The following RPTOR variants were observed in gnomAD, a reference collection of about 807,000 sequenced individuals.
The protein encoded by RPTOR is regulatory-associated protein of mTOR.
A neutral mutation model predicts 169.9 loss-of-function variants in RPTOR; 21 were observed. The ratio of observed to expected loss-of-function variants is 0.12; its 90% CI spans 0.09 to 0.18. RPTOR has a LOEUF of 0.18. Ranked by LOEUF, RPTOR falls within the 10% of genes least tolerant of loss-of-function variation. The pLI, the probability that RPTOR is intolerant of heterozygous loss-of-function variation, is 1.00. For synonymous variants in RPTOR, 732 were observed against 753.2 expected (o/e 0.97, Z 0.46); for missense variants, 1,133 against 1,855.9 (o/e 0.61, Z 7.16).
chr17:80,921,227 G>T (rs554614883), intron 21 of RPTOR, among the ~76,000 whole-genome samples: 2 of 152,368 alleles, frequency 1.3e-5, no homozygotes, highest in East Asian at 3.9e-4. Context: ...GAAGGACAGG[G>T]TTCTGTCTGG....
At chr17:80,954,435 C>G (rs916936317) in intron 28 of RPTOR, among the ~76,000 whole-genome samples, 2 of 151,124 alleles carry the variant, frequency 1.3e-5, no homozygotes, top group Non-Finnish European at 2.9e-5. Context: ...ATTGGCTAAT[C>G]TTTTATTATT....
rs2065640075 is a variant in RPTOR at position 80,651,592 on chromosome 17, A to T, written c.348+7782A>T. Reference sequence around the variant, plus strand: ...CGTCAAGTTCACCATTTTAAAGTGTACAACTTGGCTGGGCGCAGTGGCTCG... The same window carrying T: ...CGTCAAGTTCACCATTTTAAAGTGTTCAACTTGGCTGGGCGCAGTGGCTCG... On this transcript the variant is annotated intron_variant, in intron 3 of 33. Transcript: ENST00000306801. This position sits in a 1 kb window ranked among gnomAD's most constrained non-coding sequence, Gnocchi z 4.1. Among the ~76,000 whole-genome samples the T allele has an allele frequency of 6.6e-6, 1 of 152,232 alleles. No homozygotes were observed. The highest frequency in any genetic ancestry group is 2.4e-5 in the African/African-American group (1 of 41,462).
At chr17:80,760,989 ATTTT>A (rs1187354771) in intron 6 of RPTOR, among the ~76,000 whole-genome samples, 1 of 151,992 alleles carries the variant, frequency 6.6e-6, no homozygotes, top group African/African-American at 2.4e-5. Flanking sequence ...TTGTTCTCTA[ATTTT>A]TTTTCATTTT....
chr17:80,954,396 A>G (rs978495562), intron 28 of RPTOR, among the ~76,000 whole-genome samples: 1 of 152,120 alleles, frequency 6.6e-6, no homozygotes, highest in South Asian at 2.1e-4. Flanking sequence ...TGCTGGGATT[A>G]CAGGCGTGAG....
chr17:80,612,305 T>A (rs543951467), intron 1 of RPTOR, among the ~76,000 whole-genome samples: 36 of 152,212 alleles, frequency 2.4e-4, no homozygotes, highest in African/African-American at 7.9e-4. Context: ...AATTAAAAAA[T>A]TTTTTTGTAG....
At chr17:80,755,243 G>A (rs2066668651) in intron 6 of RPTOR, among the ~76,000 whole-genome samples, 1 of 152,158 alleles carries the variant, frequency 6.6e-6, no homozygotes, top group South Asian at 2.1e-4. Context: ...AAACTTGAGG[G>A]CTACAGGTTT....
rs2066149012 is a variant in RPTOR, at chr17:80,707,258, C to T, written c.349-583C>T. ...AAGGACCGCGTACTTCTGAGAAACA[C>T]TTGGTACCCCAGTGGCAGCTGCGTT... On this transcript the variant is annotated intron_variant, in intron 3 of 33. Coordinates refer to ENST00000306801, the MANE Select transcript of RPTOR (RefSeq NM_020761.3). The surrounding 1 kb of genome is among the most constrained non-coding windows in gnomAD (Gnocchi z 5.0). Among the ~76,000 whole-genome samples the T allele has an allele frequency of 6.6e-6, 1 of 152,234 alleles. No individual in the cohort carries two copies. The highest frequency in any genetic ancestry group is 1.5e-5 in the Non-Finnish European group (1 of 68,048).
chr17:80,792,385 CA>C (rs1465704796), intron 7 of RPTOR, among the ~76,000 whole-genome samples: 2 of 152,114 alleles, frequency 1.3e-5, no homozygotes, highest in Non-Finnish European at 2.9e-5. Context: ...CCTTGTGTAT[CA>C]GGGGAAAAAT....
chr17:80,817,108 C>T (rs1009197107), intron 7 of RPTOR, among the ~76,000 whole-genome samples: 6 of 152,182 alleles, frequency 3.9e-5, no homozygotes, highest in Non-Finnish European at 5.9e-5. Context: ...TCCACCGAGC[C>T]GCACAGCGGG....
At chr17:80,700,712 G>GTGA (rs1567864615) in intron 3 of RPTOR, among the ~76,000 whole-genome samples, 409 of 4,114 alleles carry the variant, frequency 0.099, no homozygotes, top group Admixed American at 0.15. Context: ...GGTGGTGATG[G>GTGA]TGGTGGTGGT....
At chr17:80,615,977 TG>T (rs900249886) in intron 1 of RPTOR, among the ~76,000 whole-genome samples, 14 of 152,070 alleles carry the variant, frequency 9.2e-5, no homozygotes, top group Non-Finnish European at 8.8e-5. Flanking sequence ...AGCAGAAGGC[TG>T]GTACAGAAGC....
chr17:80,943,029 G>T (rs1235653397), intron 25 of RPTOR, among the ~76,000 whole-genome samples: 1 of 152,230 alleles, frequency 6.6e-6, no homozygotes, highest in Non-Finnish European at 1.5e-5. Flanking sequence ...CTTGTATAAC[G>T]TGGCATTCAT....
intron 1 of RPTOR, among the ~76,000 whole-genome samples, chr17:80,611,963 C>G (rs769064711): frequency 1.1e-4 from 17 of 152,132 alleles, no homozygotes; most frequent in Non-Finnish European, 1.9e-4. Context: ...CCTGCATTTC[C>G]TGCAAACTGG....
In RPTOR at chr17:80,962,359, C is replaced by T. The variant is rs1430137064; in HGVS notation, c.3693-102C>T. On this transcript the variant is annotated intron_variant, in intron 31 of 33. Transcript: ENST00000306801. Reference sequence around the variant, plus strand: ...GCTTTTTCCTTGAGCAGTGTGTGTGCAAACAGGTGTGCGACCCCACACACC... The same window carrying T: ...GCTTTTTCCTTGAGCAGTGTGTGTGTAAACAGGTGTGCGACCCCACACACC... 4.5e-6 allele frequency: 4 copies of T among 898,800 alleles called. No individual in the cohort carries two copies. The African/African-American group carries it at 6.6e-5, about 15-fold the overall frequency. The allele number at this position is 898,800 out of a possible 1,614,324, so 55.7% of individuals were successfully genotyped here. A position where few individuals can be genotyped will look rare whatever the true frequency, so the allele number is the denominator to read the frequency against.
chr17:80,853,822 C>CA (rs1242857664), intron 11 of RPTOR, among the ~76,000 whole-genome samples: 2 of 152,078 alleles, frequency 1.3e-5, no homozygotes, highest in Non-Finnish European at 2.9e-5. Context: ...ACTAAAAATA[C>CA]AAAAATAAAT....
chr17:80,741,785 C>G (rs2066484182), intron 5 of RPTOR, among the ~76,000 whole-genome samples: 1 of 152,118 alleles, frequency 6.6e-6, no homozygotes, highest in African/African-American at 2.4e-5. Flanking sequence ...TGACGAGCCC[C>G]CATGTGGTTC....
chr17:80,885,776 C>T (rs1428781625), intron 17 of RPTOR, among the ~76,000 whole-genome samples: 5 of 152,174 alleles, frequency 3.3e-5, no homozygotes, highest in African/African-American at 7.2e-5. Flanking sequence ...CTCCTGACAT[C>T]GTGATCCACC....
chr17:80,696,224 G>A (rs993168736), intron 3 of RPTOR, among the ~76,000 whole-genome samples: 2 of 152,170 alleles, frequency 1.3e-5, no homozygotes, highest in African/African-American at 4.8e-5. Context: ...TGGAGGGGGA[G>A]GAAACCAGCC....
In RPTOR at chr17:80,853,588, C is replaced by T. The variant is rs79837919; in HGVS notation, c.1315-1876C>T. 6.8e-3 allele frequency among the ~76,000 whole-genome samples: 1,030 copies of T among 152,272 alleles called. 11 individuals are homozygous for T. Among genetic ancestry groups the T allele is most frequent in the Middle Eastern group, 0.048 (14 of 294 alleles). On this transcript the variant is annotated intron_variant, in intron 11 of 33. Transcript: ENST00000306801. Reference sequence around the variant, plus strand: ...AACACCCCTTGGATGACTGGGGCATCGTGGATAGAAATGCTGTAGGTTGGA... The same window carrying T: ...AACACCCCTTGGATGACTGGGGCATTGTGGATAGAAATGCTGTAGGTTGGA...
Sources: allele counts gnomAD v4.1 joint callset (sites outside exome capture counted in the v4.1 genomes callset), GRCh38; gene constraint gnomAD v4.1.1; non-coding constraint Gnocchi (gnomAD v3.1); transcripts MANE v1.5; gene names NCBI Gene and HGNC (gene_info 2026-07-23, HGNC 2026-07-21).